The following EPHB2 variants were observed in gnomAD, a reference collection of about 807,000 sequenced individuals.
The protein encoded by EPHB2 is ephrin type-B receptor 2.
In EPHB2, 18 loss-of-function variants were observed where a neutral mutation model predicts 96.4. The ratio of observed to expected loss-of-function variants is 0.19; its 90% CI spans 0.13 to 0.28. EPHB2 has a LOEUF of 0.28. Ranked by LOEUF, EPHB2 falls within the 10% of genes least tolerant of loss-of-function variation. The pLI is 1.00. For missense variants in EPHB2, 989 were observed against 1,355.4 expected (o/e 0.73, Z 4.25); for synonymous variants, 506 against 534.1 (o/e 0.95, Z 0.72).
chr1:22,826,133 G>A (rs994398900), intron 3 of EPHB2, among the ~76,000 whole-genome samples: 5 of 152,172 alleles, frequency 3.3e-5, no homozygotes, highest in African/African-American at 4.8e-5. Context: ...CTGGCAGTGC[G>A]GGAGTGAATT....
chr1:22,818,355 C>T (rs1570333472), intron 3 of EPHB2, among the ~76,000 whole-genome samples: 1 of 152,234 alleles, frequency 6.6e-6, no homozygotes, highest in East Asian at 1.9e-4. Flanking sequence ...TACCTTCCCT[C>T]CTGGCCCCAT....
chr1:22,912,967 G>T, intron 15 of EPHB2: 2 of 362,266 alleles, frequency 5.5e-6, no homozygotes, highest in Non-Finnish European at 1.1e-5. Flanking sequence ...GGCCGAGGCG[G>T]GCAGATCACA....
chr1:22,870,392 A>G (rs545689101), intron 5 of EPHB2, among the ~76,000 whole-genome samples: 1 of 152,042 alleles, frequency 6.6e-6, no homozygotes, highest in Non-Finnish European at 1.5e-5. Context: ...ACTCAGGTGT[A>G]CTCCGCTGGA....
chr1:22,830,501 C>T (rs1645289361), intron 3 of EPHB2, among the ~76,000 whole-genome samples: 1 of 152,216 alleles, frequency 6.6e-6, no homozygotes, highest in Non-Finnish European at 1.5e-5. Flanking sequence ...GCAGAACCTC[C>T]CTCACAGGGC....
At chr1:22,815,726 A>G (rs1570329048) in intron 3 of EPHB2, among the ~76,000 whole-genome samples, 1 of 152,356 alleles carries the variant, frequency 6.6e-6, no homozygotes, top group African/African-American at 2.4e-5. Flanking sequence ...AGAATCTGTT[A>G]TATTTGCAAG....
intron 5 of EPHB2, among the ~76,000 whole-genome samples, chr1:22,873,816 T>C (rs1638750799): frequency 6.6e-6 from 1 of 152,176 alleles, no homozygotes; most frequent in Non-Finnish European, 1.5e-5. Flanking sequence ...TAAGGAAACT[T>C]CCTAGAAGTC....
chr1:22,778,267 C>CT (rs1274118384), intron 1 of EPHB2, among the ~76,000 whole-genome samples: 2 of 151,904 alleles, frequency 1.3e-5, no homozygotes, highest in Non-Finnish European at 2.9e-5. Flanking sequence ...CTCAAGTGAT[C>CT]TCCCCCCCTC....
At chr1:22,711,652 C>G (rs1372353555) in intron 1 of EPHB2, among the ~76,000 whole-genome samples, 1 of 152,030 alleles carries the variant, frequency 6.6e-6, no homozygotes, top group African/African-American at 2.4e-5. Flanking sequence ...CCCGAGAGGA[C>G]TGCGCGGGGG....
chr1:22,909,666 G>C (rs573430819), intron 13 of EPHB2, among the ~76,000 whole-genome samples: 1 of 152,336 alleles, frequency 6.6e-6, no homozygotes, highest in East Asian at 1.9e-4. Flanking sequence ...AGGGCTTCCA[G>C]TGGGAAAGAA....
rs1263511476 is a variant in EPHB2 at position 22,785,088 on chromosome 1, G to A, written c.811+12G>A. 3 of 1,613,366 alleles carry A rather than the reference G, an allele frequency of 1.9e-6. No homozygotes were observed. The highest frequency in any genetic ancestry group is 2.2e-5 in the South Asian group (2 of 91,072). On this transcript the variant is annotated intron_variant, in intron 3 of 15. Coordinates refer to ENST00000374630, the MANE Select transcript of EPHB2 (RefSeq NM_017449.5). ...CACCGTCTGCCGAGGTAAGGGCCAG[G>A]GTGGGGCACGTGCCCCTGCAAATGC...
chr1:22,897,791 T>TA (rs1232055140), intron 9 of EPHB2, among the ~76,000 whole-genome samples: 3 of 122,176 alleles, frequency 2.5e-5, no homozygotes, highest in Non-Finnish European at 3.5e-5. Flanking sequence ...TGTCTCAAAA[T>TA]AAAAAAATAA....
chr1:22,843,281 A>G (rs1570371984), intron 3 of EPHB2, among the ~76,000 whole-genome samples: 1 of 152,236 alleles, frequency 6.6e-6, no homozygotes, highest in Non-Finnish European at 1.5e-5. Context: ...AAGACCATGC[A>G]GAAAGCAAGA....
intron 1 of EPHB2, among the ~76,000 whole-genome samples, chr1:22,761,310 A>G (rs1031701836): frequency 2.0e-5 from 3 of 152,230 alleles, no homozygotes; most frequent in African/African-American, 7.2e-5. Context: ...AAATGTTGGC[A>G]GTGGTCGCGG....
intron 9 of EPHB2, among the ~76,000 whole-genome samples, chr1:22,903,228 TC>T (rs1417069584): frequency 6.6e-6 from 1 of 152,190 alleles, no homozygotes; most frequent in Non-Finnish European, 1.5e-5. Flanking sequence ...CTGCTGTACT[TC>T]CTCTTACCTC....
chr1:22,722,748 C>T (rs975322502), intron 1 of EPHB2, among the ~76,000 whole-genome samples: 7 of 152,230 alleles, frequency 4.6e-5, no homozygotes, highest in African/African-American at 1.2e-4. Flanking sequence ...AACCATGCTA[C>T]GTTGGACCTC....
chr1:22,723,953 G>T (rs1372856307), intron 1 of EPHB2, among the ~76,000 whole-genome samples: 1 of 152,212 alleles, frequency 6.6e-6, no homozygotes, highest in Admixed American at 6.5e-5. Context: ...ATTGTTAGCT[G>T]AATCCTACAG....
intron 3 of EPHB2, among the ~76,000 whole-genome samples, chr1:22,811,569 C>G (rs1047563560): frequency 2.6e-5 from 4 of 152,212 alleles, no homozygotes; most frequent in African/African-American, 7.2e-5. Flanking sequence ...AGTCTCTCTG[C>G]CTTCCCATCC....
At chr1:22,727,180 A>G (rs551158560) in intron 1 of EPHB2, among the ~76,000 whole-genome samples, 1 of 152,342 alleles carries the variant, frequency 6.6e-6, no homozygotes, top group East Asian at 1.9e-4. Context: ...GAGCAGGGAG[A>G]GGCAAGCTGG....
At chr1:22,726,322 G>A (rs1021650075) in intron 1 of EPHB2, among the ~76,000 whole-genome samples, 8 of 151,420 alleles carry the variant, frequency 5.3e-5, no homozygotes, top group African/African-American at 1.5e-4. Flanking sequence ...AGCCTCCACC[G>A]TTAAGTCCCC....
Sources: allele counts gnomAD v4.1 joint callset (sites outside exome capture counted in the v4.1 genomes callset), GRCh38; gene constraint gnomAD v4.1.1; transcripts MANE v1.5; gene names NCBI Gene and HGNC (gene_info 2026-07-23, HGNC 2026-07-21).